SYNPR: variants seen among roughly 807,000 people sequenced by gnomAD.
SYNPR encodes the protein synaptoporin.
Under a neutral mutation model 32.9 loss-of-function variants are expected in SYNPR, and 23 were observed. The observed-to-expected ratio is 0.70, with a 90% CI of 0.50 to 0.99. SYNPR has a LOEUF of 0.99. Among genes scored for constraint, SYNPR ranks in the 50% least tolerant of loss-of-function variants. The probability of loss-of-function intolerance (pLI) is 0.00; values close to 1 mark genes in which losing one functional copy is unlikely to be tolerated. For missense variants in SYNPR, 318 were observed against 349.3 expected (o/e 0.91, Z 0.71); for synonymous variants, 146 against 135.9 (o/e 1.07, Z -0.52).
chr3:63,415,390 G>A (rs1002045343), intron 2 of SYNPR, among the ~76,000 whole-genome samples: 33 of 151,114 alleles, frequency 2.2e-4, no homozygotes, highest in African/African-American at 7.8e-4. Flanking sequence ...GGCCCAAAAA[G>A]CCAAATCCTG....
intron 2 of SYNPR, among the ~76,000 whole-genome samples, chr3:63,436,731 C>A (rs908203147): frequency 2.0e-4 from 31 of 152,282 alleles, no homozygotes; most frequent in African/African-American, 7.5e-4. Context: ...TAGACTGAGT[C>A]TCTGAATACT....
At chr3:63,265,076 TAA>T (rs771157639) in intron 2 of SYNPR, among the ~76,000 whole-genome samples, 36 of 152,108 alleles carry the variant, frequency 2.4e-4, no homozygotes, top group Admixed American at 3.9e-4. Context: ...TAAAAGAAAA[TAA>T]AAAACAGTTT....
At chr3:63,326,630 G>A (rs542822014) in intron 2 of SYNPR, among the ~76,000 whole-genome samples, 8 of 152,230 alleles carry the variant, frequency 5.3e-5, no homozygotes, top group African/African-American at 1.9e-4. Context: ...AAGCCCAGAA[G>A]CCAGATGCTG....
rs141136859 is a variant in SYNPR at position 63,376,427 on chromosome 3, C to T, written c.84+97685C>T. Among the ~76,000 whole-genome samples the T allele has an allele frequency of 3.4e-3, 513 of 152,242 alleles. 4 individuals carry two copies. Among genetic ancestry groups the T allele is most frequent in the African/African-American group, 0.011 (462 of 41,548 alleles). On this transcript the variant is annotated intron_variant, in intron 2 of 5. Coordinates refer to ENST00000478300, the MANE Select transcript of SYNPR (RefSeq NM_001130003.2). ...TACTATTTATCCTGGCCTATAACATCGTATATGATAAGACTGCTTTCTCAT... is the reference window on the plus strand; with the variant it reads ...TACTATTTATCCTGGCCTATAACATTGTATATGATAAGACTGCTTTCTCAT...
chr3:63,494,205 T>C (rs1350346836), intron 3 of SYNPR, among the ~76,000 whole-genome samples: 1 of 151,202 alleles, frequency 6.6e-6, no homozygotes, highest in East Asian at 1.9e-4. Flanking sequence ...AACAAAAAAC[T>C]TGAAAAGAAA....
intron 2 of SYNPR, among the ~76,000 whole-genome samples, chr3:63,350,367 C>G (rs1162233599): frequency 6.6e-6 from 1 of 152,186 alleles, no homozygotes; most frequent in African/African-American, 2.4e-5. Flanking sequence ...ATTGGACCTG[C>G]TACAAGCCCT....
intron 2 of SYNPR, among the ~76,000 whole-genome samples, chr3:63,333,407 T>G (rs1330580002): frequency 6.6e-6 from 1 of 152,030 alleles, no homozygotes; most frequent in Admixed American, 6.6e-5. Flanking sequence ...TGGCTCAGAT[T>G]TGAACAGGGG....
chr3:63,604,395 G>T (rs1298640662), intron 4 of SYNPR, among the ~76,000 whole-genome samples: 1 of 152,060 alleles, frequency 6.6e-6, no homozygotes, highest in Non-Finnish European at 1.5e-5. Flanking sequence ...GCTTGGAGAT[G>T]GTTTGCTCTT....
intron 2 of SYNPR, among the ~76,000 whole-genome samples, chr3:63,476,789 C>T (rs1035847118): frequency 2.6e-5 from 4 of 152,146 alleles, no homozygotes; most frequent in African/African-American, 7.2e-5. Flanking sequence ...CCCCTCAAAA[C>T]GTGAAACACA....
chr3:63,226,353 A>G (rs768183784), upstream of SYNPR, among the ~76,000 whole-genome samples: 6 of 152,236 alleles, frequency 3.9e-5, no homozygotes, highest in Non-Finnish European at 8.8e-5. Flanking sequence ...ACTACTGGGT[A>G]TGTATCCAAA....
intron 2 of SYNPR, among the ~76,000 whole-genome samples, chr3:63,253,250 A>C (rs1041860993): frequency 6.6e-6 from 1 of 152,064 alleles, no homozygotes; most frequent in Non-Finnish European, 1.5e-5. Context: ...GTAAATAAGA[A>C]AGTCACTCAA....
At chr3:63,238,491 G>C (rs1348541819) in intron 1 of SYNPR, among the ~76,000 whole-genome samples, 1 of 151,902 alleles carries the variant, frequency 6.6e-6, no homozygotes, top group East Asian at 1.9e-4. Flanking sequence ...CCCATCTGCT[G>C]AGATATAATT....
chr3:63,379,363 T>C (rs1271641723), intron 2 of SYNPR, among the ~76,000 whole-genome samples: 1 of 152,158 alleles, frequency 6.6e-6, no homozygotes, highest in Non-Finnish European at 1.5e-5. Flanking sequence ...AGTTATTCTA[T>C]TATCCTTGCC....
chr3:63,438,662 G>T (rs1001495217), intron 2 of SYNPR, among the ~76,000 whole-genome samples: 10 of 152,216 alleles, frequency 6.6e-5, no homozygotes, highest in African/African-American at 2.4e-4. Flanking sequence ...AGAAAGTTCT[G>T]CTCTGATTCT....
chr3:63,315,812 A>T (rs1366440061), intron 2 of SYNPR, among the ~76,000 whole-genome samples: 1 of 151,864 alleles, frequency 6.6e-6, no homozygotes, highest in East Asian at 1.9e-4. Context: ...TCCTTGTCTT[A>T]TTCCAGTTCT....
At chr3:63,281,155 T>C (rs1281818431) in intron 2 of SYNPR, among the ~76,000 whole-genome samples, 1 of 152,212 alleles carries the variant, frequency 6.6e-6, no homozygotes, top group Non-Finnish European at 1.5e-5. Context: ...TTCTTATAGA[T>C]GGTAGAACAT....
intron 3 of SYNPR, among the ~76,000 whole-genome samples, chr3:63,493,079 C>T (rs1701285566): frequency 1.3e-5 from 2 of 152,096 alleles, no homozygotes; most frequent in South Asian, 4.1e-4. Flanking sequence ...AATGTTAGGA[C>T]ATGCTTTGCG....
At chr3:63,392,737 T>G (rs541279547) in intron 2 of SYNPR, among the ~76,000 whole-genome samples, 1 of 152,346 alleles carries the variant, frequency 6.6e-6, no homozygotes, top group African/African-American at 2.4e-5. Context: ...TCTTACCGGA[T>G]AATGCTATAA....
At chr3:63,415,200 A>C (rs2088524392) in intron 2 of SYNPR, among the ~76,000 whole-genome samples, 2 of 152,220 alleles carry the variant, frequency 1.3e-5, no homozygotes, top group African/African-American at 4.8e-5. Flanking sequence ...AAATACTATA[A>C]AATGGTGTGC....
Sources: gnomAD v4.1 joint callset for allele counts (sites outside exome capture counted in the v4.1 genomes callset) on GRCh38, gnomAD v4.1.1 for gene constraint, MANE v1.5 for transcripts, NCBI Gene and HGNC (gene_info 2026-07-23, HGNC 2026-07-21) for gene names.